Variants in FERMT2 observed in about 807,000 individuals in gnomAD.
FERMT2 encodes the protein fermitin family homolog 2.
In FERMT2, 15 loss-of-function variants were observed where a neutral mutation model predicts 82.7. The ratio of observed to expected loss-of-function variants is 0.18; its 90% CI spans 0.12 to 0.28. The LOEUF is 0.28. Ranked by LOEUF, FERMT2 falls within the 10% of genes least tolerant of loss-of-function variation. FERMT2 has a pLI of 1.00. For missense variants in FERMT2, 645 were observed against 809.4 expected, an observed-to-expected ratio of 0.80 and a Z score of 2.46; for synonymous variants, 274 against 271.5, an observed-to-expected ratio of 1.01 and a Z score of -0.09.
chr14:52,948,692 A>G (rs1307691536), intron 2 of FERMT2: 8 of 417,844 alleles, frequency 1.9e-5, no homozygotes, highest in Non-Finnish European at 3.7e-5. Flanking sequence ...TATTACTGTG[A>G]TTCTATAATA....
At chr14:52,939,192 T>TAAAAAAAAAA (rs34395615) in intron 2 of FERMT2, among the ~76,000 whole-genome samples, 15 of 86,014 alleles carry the variant, frequency 1.7e-4, no homozygotes, top group East Asian at 3.6e-4. Context: ...CCATCTCTAC[T>TAAAAAAAAAA]AAAAAAAAAA....
chr14:52,917,586 T>C (rs1237231714), intron 3 of FERMT2, among the ~76,000 whole-genome samples: 1 of 152,186 alleles, frequency 6.6e-6, no homozygotes, highest in East Asian at 1.9e-4. Flanking sequence ...AATGTGAATC[T>C]ACCTGTATCT....
At chr14:52,861,303 C>T in intron 12 of FERMT2, 1 of 421,866 alleles carries the variant, frequency 2.4e-6, no homozygotes, top group Non-Finnish European at 4.1e-6. Flanking sequence ...GCTAAAGAAC[C>T]TAAGGGTAGA....
intron 10 of FERMT2, among the ~76,000 whole-genome samples, chr14:52,866,655 T>G (rs1472832504): frequency 6.6e-6 from 1 of 152,164 alleles, no homozygotes; most frequent in Non-Finnish European, 1.5e-5. Flanking sequence ...TATGCTTGCA[T>G]CCTTCTGTGC....
chr14:52,866,062 CA>C (rs1361518763), intron 10 of FERMT2, among the ~76,000 whole-genome samples: 1 of 152,144 alleles, frequency 6.6e-6, no homozygotes, highest in Non-Finnish European at 1.5e-5. Flanking sequence ...ATCTTTTGCA[CA>C]AATATCATTA....
chr14:52,862,915 T>A (rs1018827921), intron 12 of FERMT2: 3 of 152,214 alleles, frequency 2.0e-5, no homozygotes, highest in African/African-American at 7.2e-5. Context: ...GAAAACAATG[T>A]GTGGCAGCTC....
chr14:52,924,423 ATT>A (rs34023694), intron 2 of FERMT2, among the ~76,000 whole-genome samples: 3 of 151,682 alleles, frequency 2.0e-5, no homozygotes, highest in Non-Finnish European at 4.4e-5. Flanking sequence ...AGCTGTCTGT[ATT>A]TTTTTTATGG....
At chr14:52,940,355 C>A (rs1363552411) in intron 2 of FERMT2, among the ~76,000 whole-genome samples, 1 of 152,146 alleles carries the variant, frequency 6.6e-6, no homozygotes, top group African/African-American at 2.4e-5. Flanking sequence ...TTCCAAGCAG[C>A]ATTAATGAAG....
At chr14:52,916,274 G>C (rs1356452401) in intron 3 of FERMT2, among the ~76,000 whole-genome samples, 1 of 151,916 alleles carries the variant, frequency 6.6e-6, no homozygotes, top group East Asian at 1.9e-4. Context: ...AACCCGGGAA[G>C]TGGAGGTTGC....
At chr14:52,934,028 G>C (rs1442363998) in intron 2 of FERMT2, among the ~76,000 whole-genome samples, 1 of 152,098 alleles carries the variant, frequency 6.6e-6, no homozygotes, top group African/African-American at 2.4e-5. Flanking sequence ...AAGCAGCAAA[G>C]TATACCTTAG....
In FERMT2 at chr14:52,858,276, A is replaced by G. The variant is rs1398212074; in HGVS notation, c.*101T>C. ...AAGGCAAAGAAGTTTTCATGATAAA[A>G]TGATAAATTTCAAGCTTACTTTATT... On this transcript the variant is annotated 3_prime_UTR_variant, in exon 15 of 15. Coordinates refer to ENST00000341590, the MANE Select transcript of FERMT2 (RefSeq NM_006832.3). 1 of 1,052,376 alleles carries G rather than the reference A, an allele frequency of 9.5e-7. No individual in the cohort carries two copies. Among genetic ancestry groups the G allele is most frequent in the Non-Finnish European group, 1.4e-6 (1 of 709,730 alleles). The allele number at this position is 1,052,376 out of a possible 1,614,324, so 65.2% of individuals were successfully genotyped here.
At chr14:52,888,677 C>A (rs1886749245) in intron 4 of FERMT2, among the ~76,000 whole-genome samples, 1 of 152,152 alleles carries the variant, frequency 6.6e-6, no homozygotes, top group Non-Finnish European at 1.5e-5. Flanking sequence ...AATTTCTATG[C>A]ATACCGGTCT....
intron 3 of FERMT2, among the ~76,000 whole-genome samples, chr14:52,904,186 GC>G (rs1352841050): frequency 1.3e-5 from 2 of 152,146 alleles, no homozygotes; most frequent in Non-Finnish European, 2.9e-5. Context: ...TTTGAGACCA[GC>G]CTGGCCAACA....
chr14:52,949,928 G>A (rs1890547422), intron 2 of FERMT2, among the ~76,000 whole-genome samples: 2 of 152,186 alleles, frequency 1.3e-5, no homozygotes. Flanking sequence ...AACAGCCACA[G>A]AAACTTCACA....
At chr14:52,895,681 A>T (rs553762026) in intron 3 of FERMT2, among the ~76,000 whole-genome samples, 88 of 152,348 alleles carry the variant, frequency 5.8e-4, no homozygotes, top group African/African-American at 2.0e-3. Flanking sequence ...TTGACAGGTG[A>T]CAGAAATATT....
intron 4 of FERMT2, among the ~76,000 whole-genome samples, chr14:52,892,645 G>C (rs966745264): frequency 6.6e-6 from 1 of 151,580 alleles, no homozygotes; most frequent in African/African-American, 2.4e-5. Context: ...TTTTAGTAGA[G>C]ACAGGGTTTC....
At chr14:52,910,484 A>G (rs1888254797) in intron 3 of FERMT2, among the ~76,000 whole-genome samples, 1 of 152,040 alleles carries the variant, frequency 6.6e-6, no homozygotes, top group Non-Finnish European at 1.5e-5. Context: ...TGTGTGCCAG[A>G]ATACGTTACA....
rs768688991 is a variant in FERMT2, at chr14:52,881,152, G to A, written c.753-14C>T. On this transcript the variant is annotated splice_polypyrimidine_tract_variant and intron_variant, in intron 5 of 14. Transcript: ENST00000341590. ...GAATCAAGCCATCTGGACAAATTAAGAACAGTGGAACAAAACAACACAGAA... is the reference window on the plus strand; with the variant it reads ...GAATCAAGCCATCTGGACAAATTAAAAACAGTGGAACAAAACAACACAGAA... 2.5e-6 allele frequency: 4 copies of A among 1,603,060 alleles called. No homozygotes were observed. The highest frequency in any genetic ancestry group is 1.7e-5 in the Admixed American group (1 of 59,822).
chr14:52,929,620 G>C (rs751126073), intron 2 of FERMT2, among the ~76,000 whole-genome samples: 3 of 152,050 alleles, frequency 2.0e-5, no homozygotes, highest in African/African-American at 4.8e-5. Context: ...TCCTGCCGCA[G>C]TGCCCTTGTA....
Sources: allele counts gnomAD v4.1 joint callset (sites outside exome capture counted in the v4.1 genomes callset), GRCh38; gene constraint gnomAD v4.1.1; transcripts MANE v1.5; gene names NCBI Gene and HGNC (gene_info 2026-07-23, HGNC 2026-07-21).